RUNX1: variants seen among roughly 807,000 people sequenced by gnomAD.
RUNX1 encodes runt-related transcription factor 1.
Under a neutral mutation model 42.8 loss-of-function variants are expected in RUNX1, and 19 were observed. The ratio of observed to expected loss-of-function variants is 0.44; its 90% CI spans 0.31 to 0.65. The LOEUF (loss-of-function observed/expected upper bound fraction) is 0.65. RUNX1 is among the 30% of genes least tolerant of loss of function. The pLI is 0.07. For synonymous variants in RUNX1, 271 were observed against 289.4 expected (o/e 0.94, Z 0.64); for missense variants, 528 against 672.0 (o/e 0.79, Z 2.37).
At chr21:34,988,560 T>C (rs2058910068) in intron 2 of RUNX1, among the ~76,000 whole-genome samples, 1 of 152,148 alleles carries the variant, frequency 6.6e-6, no homozygotes, top group South Asian at 2.1e-4. Flanking sequence ...CCCATCTCCA[T>C]CTGCCAAACT....
chr21:34,816,398 G>A (rs894863199), intron 7 of RUNX1, among the ~76,000 whole-genome samples: 4 of 151,400 alleles, frequency 2.6e-5, no homozygotes, highest in African/African-American at 4.9e-5. Flanking sequence ...GTGGGGGCAC[G>A]CTCAGGGTTG....
At chr21:34,968,535 T>C (rs1369681658) in intron 2 of RUNX1, among the ~76,000 whole-genome samples, 4 of 152,138 alleles carry the variant, frequency 2.6e-5, no homozygotes, top group Admixed American at 2.0e-4. Flanking sequence ...GCCTCCCTGT[T>C]GCCTTCTTAT....
At chr21:35,013,542 CA>C (rs2059140036) in intron 2 of RUNX1, among the ~76,000 whole-genome samples, 2 of 151,688 alleles carry the variant, frequency 1.3e-5, no homozygotes. Flanking sequence ...AGAGAAGTTA[CA>C]ATGAAAAAAA....
At chr21:34,862,071 C>T (rs971976039) in intron 5 of RUNX1, among the ~76,000 whole-genome samples, 2 of 151,320 alleles carry the variant, frequency 1.3e-5, no homozygotes, top group Non-Finnish European at 2.9e-5. Flanking sequence ...TAGATAATGC[C>T]ATTGTCCCAG....
chr21:35,028,000 C>A (rs2059249000), intron 2 of RUNX1, among the ~76,000 whole-genome samples: 2 of 152,160 alleles, frequency 1.3e-5, no homozygotes, highest in Admixed American at 6.5e-5. Flanking sequence ...ACTAAGAAAT[C>A]CATGGTATAT....
rs1362232830 is a variant in RUNX1, at chr21:34,845,332, GGGATGGAGGGCAA to G, written c.614-10744_614-10732del. Among the ~76,000 whole-genome samples the G allele has an allele frequency of 9.8e-5, 15 of 152,364 alleles. No individual in the cohort carries two copies. The South Asian group carries it at 3.1e-3, about 32-fold the overall frequency. ...TCCATCCTTGCCAGGGATGGAGACA[GGGATGGAGGGCAA>G]GGATGGACGCCCAGGACAGCCTTCT... is the stretch of plus-strand genomic sequence containing the variant. On this transcript the variant is annotated intron_variant, in intron 6 of 8. Transcript: ENST00000675419.
rs915585059 is a variant in RUNX1 at position 34,934,335 on chromosome 21, G to C, written c.59-41372C>G. On this transcript the variant is annotated intron_variant, in intron 2 of 8. Coordinates refer to ENST00000675419, the MANE Select transcript of RUNX1 (RefSeq NM_001754.5). Reference sequence around the variant, plus strand: ...CTTCTGTTAGATTTGAACTCTTGGAGGACTGAGGCCATGTCATTTTCATGT... The same window carrying C: ...CTTCTGTTAGATTTGAACTCTTGGACGACTGAGGCCATGTCATTTTCATGT... 1.4e-4 allele frequency among the ~76,000 whole-genome samples: 22 copies of C among 151,892 alleles called. 1 individual carries two copies. The highest frequency in any genetic ancestry group is 5.3e-4 in the African/African-American group (22 of 41,298).
chr21:35,010,720 G>C (rs972586174), intron 2 of RUNX1, among the ~76,000 whole-genome samples: 3 of 151,804 alleles, frequency 2.0e-5, no homozygotes, highest in Non-Finnish European at 4.4e-5. Flanking sequence ...TGTGCAACTC[G>C]CTGCCAGCAC....
intron 6 of RUNX1, among the ~76,000 whole-genome samples, chr21:34,844,886 G>A (rs976317934): frequency 9.2e-5 from 14 of 152,194 alleles, no homozygotes; most frequent in Admixed American, 2.0e-4. Flanking sequence ...GGTACAGAAG[G>A]ACAGGGTACC....
chr21:35,017,761 T>C (rs899377718), intron 2 of RUNX1, among the ~76,000 whole-genome samples: 4 of 152,178 alleles, frequency 2.6e-5, no homozygotes, highest in Non-Finnish European at 4.4e-5. Flanking sequence ...CAGTGGGCTT[T>C]TATCATAGCC....
chr21:34,807,720 C>T (rs1413867585), intron 7 of RUNX1, among the ~76,000 whole-genome samples: 1 of 152,128 alleles, frequency 6.6e-6, no homozygotes, highest in Admixed American at 6.5e-5. Flanking sequence ...AGTCAGTTTC[C>T]AGGGTGATGT....
At chr21:34,920,008 C>T (rs779769683) in intron 2 of RUNX1, among the ~76,000 whole-genome samples, 13 of 152,198 alleles carry the variant, frequency 8.5e-5, no homozygotes, top group Non-Finnish European at 1.8e-4. Context: ...AAAGCCTCTT[C>T]CTTTCAGGAG....
intron 7 of RUNX1, among the ~76,000 whole-genome samples, chr21:34,814,253 A>G (rs1327426845): frequency 6.6e-6 from 1 of 152,188 alleles, no homozygotes; most frequent in Non-Finnish European, 1.5e-5. Context: ...GTAAATGTAC[A>G]AATAACCCAA....
intron 2 of RUNX1, among the ~76,000 whole-genome samples, chr21:34,962,409 C>T (rs796570619): frequency 5.4e-4 from 82 of 152,308 alleles, no homozygotes; most frequent in African/African-American, 1.9e-3. Flanking sequence ...TCTTTCTCTG[C>T]TTTTCATTCT....
intron 2 of RUNX1, among the ~76,000 whole-genome samples, chr21:34,897,747 T>C (rs1281502493): frequency 6.6e-6 from 1 of 152,164 alleles, no homozygotes; most frequent in Non-Finnish European, 1.5e-5. Flanking sequence ...GTTAGTAGCG[T>C]TGGAAGCAGA....
intron 2 of RUNX1, among the ~76,000 whole-genome samples, chr21:35,037,821 T>C (rs565661446): frequency 1.6e-4 from 25 of 152,342 alleles, no homozygotes; most frequent in African/African-American, 5.8e-4. Flanking sequence ...CAATAAATGC[T>C]AGCTGTTATT....
intron 2 of RUNX1, among the ~76,000 whole-genome samples, chr21:35,000,158 A>G (rs1477210193): frequency 6.6e-6 from 1 of 151,988 alleles, no homozygotes; most frequent in East Asian, 1.9e-4. Flanking sequence ...AAGAGGTGTT[A>G]TAATTCCCAA....
At chr21:35,045,314 T>C (rs2059388390) in intron 2 of RUNX1, among the ~76,000 whole-genome samples, 1 of 152,086 alleles carries the variant, frequency 6.6e-6, no homozygotes, top group Non-Finnish European at 1.5e-5. Flanking sequence ...GGATGCCCCA[T>C]CCCACAGTTT....
intron 5 of RUNX1, among the ~76,000 whole-genome samples, chr21:34,861,321 C>T (rs893676722): frequency 1.6e-4 from 25 of 152,128 alleles, no homozygotes; most frequent in African/African-American, 5.3e-4. Flanking sequence ...AAGATGCTGC[C>T]GCAGAGGGAG....
Sources: gnomAD v4.1 joint callset for allele counts (sites outside exome capture counted in the v4.1 genomes callset) on GRCh38, gnomAD v4.1.1 for gene constraint, MANE v1.5 for transcripts, NCBI Gene and HGNC (gene_info 2026-07-23, HGNC 2026-07-21) for gene names.